Variants in DMD observed in about 807,000 individuals in gnomAD.
DMD encodes mutant dystrophin.
Under a neutral mutation model 330.1 loss-of-function variants are expected in DMD, and 63 were observed. The ratio of observed to expected loss-of-function variants is 0.19; its 90% CI spans 0.16 to 0.24. The LOEUF (loss-of-function observed/expected upper bound fraction) is 0.24. DMD is among the 10% of genes least tolerant of loss of function. The pLI is 1.00. For missense variants in DMD, 3,344 were observed against 2,684.1 expected (o/e 1.25, Z -5.43); for synonymous variants, 1,223 against 959.8 (o/e 1.27, Z -5.07).
At position 32,856,479 on chromosome X, in the gene DMD, CATAAAA is replaced by C. The variant is rs756306513; in HGVS notation, c.94-6665_94-6660del. Reference sequence around the variant, plus strand: ...TATACGTAGTGGAGTACTACTCAGTCATAAAAAAAAATGAGACGCTGTCATTTGCAA... The same window carrying C: ...TATACGTAGTGGAGTACTACTCAGTCAAAAATGAGACGCTGTCATTTGCAA... On this transcript the variant is annotated intron_variant, in intron 2 of 78. Transcript: ENST00000357033. Among the ~76,000 whole-genome samples, 259 of 106,359 alleles carry C rather than the reference CATAAAA, an allele frequency of 2.4e-3. 2 individuals are homozygous for C. The highest frequency in any genetic ancestry group is 8.4e-3 in the African/African-American group (250 of 29,793). 92.4% of individuals were successfully genotyped at this position (106,359 alleles called of 115,157 possible). A position where few individuals can be genotyped will look rare whatever the true frequency, so the allele number is the denominator to read the frequency against.
chrX:31,662,610 A>C (rs987214047), intron 53 of DMD, among the ~76,000 whole-genome samples: 54 of 108,649 alleles, frequency 5.0e-4, no homozygotes, highest in African/African-American at 1.6e-3. Context: ...ATTTTTAATG[A>C]CTGTGTCTCA....
intron 44 of DMD, among the ~76,000 whole-genome samples, chrX:31,990,859 A>G (rs2095545409): frequency 1.8e-5 from 2 of 112,436 alleles, no homozygotes; most frequent in South Asian, 7.3e-4. Context: ...AGATGTAAGC[A>G]TATAAAAAGT....
chrX:32,294,873 T>G (rs1256692007), intron 42 of DMD, among the ~76,000 whole-genome samples: 1 of 111,679 alleles, frequency 9.0e-6, no homozygotes. Context: ...TTTTACTATT[T>G]TAGTTTGTCT....
At chrX:33,011,942 G>A (rs959392359) in intron 2 of DMD, among the ~76,000 whole-genome samples, 2 of 111,341 alleles carry the variant, frequency 1.8e-5, no homozygotes, top group African/African-American at 6.5e-5. Flanking sequence ...TTGGCACTGA[G>A]ACCACTCCAG....
chrX:31,189,740 C>T (rs760644425), intron 67 of DMD, among the ~76,000 whole-genome samples: 10 of 111,926 alleles, frequency 8.9e-5, no homozygotes, highest in South Asian at 7.5e-4. Context: ...GCAATATGAT[C>T]GCAAGAAATA....
chrX:31,543,013 T>A (rs1332508303), intron 55 of DMD, among the ~76,000 whole-genome samples: 1 of 112,112 alleles, frequency 8.9e-6, no homozygotes, highest in Non-Finnish European at 1.9e-5. Flanking sequence ...GAAGGTTGAG[T>A]CAAAGGACAT....
At chrX:32,043,662 G>C (rs1460367971) in intron 44 of DMD, among the ~76,000 whole-genome samples, 1 of 111,478 alleles carries the variant, frequency 9.0e-6, no homozygotes. Context: ...GCCTATGAGA[G>C]ACGATTATTA....
intron 7 of DMD, among the ~76,000 whole-genome samples, chrX:32,700,217 T>C: frequency 9.0e-6 from 1 of 111,529 alleles, no homozygotes; most frequent in Middle Eastern, 4.6e-3. Context: ...TGCTAGCATT[T>C]CATTGTCATC....
At chrX:33,261,068 G>C (rs1165570153) in intron 1 of DMD, among the ~76,000 whole-genome samples, 1 of 111,250 alleles carries the variant, frequency 9.0e-6, no homozygotes, top group East Asian at 2.8e-4. Context: ...CTGGTGTTTG[G>C]TTTTATGTTA....
chrX:32,622,713 C>A (rs1005174735), intron 11 of DMD, among the ~76,000 whole-genome samples: 2 of 111,835 alleles, frequency 1.8e-5, no homozygotes, highest in African/African-American at 3.3e-5. Flanking sequence ...CAACTCATCT[C>A]ACTTCCTTAT....
intron 55 of DMD, among the ~76,000 whole-genome samples, chrX:31,547,901 T>C (rs2074242710): frequency 8.9e-6 from 1 of 111,947 alleles, no homozygotes; most frequent in Non-Finnish European, 1.9e-5. Flanking sequence ...ATTCAATCCC[T>C]CTTCCCATCT....
chrX:32,964,612 G>T, intron 2 of DMD, among the ~76,000 whole-genome samples: 1 of 111,115 alleles, frequency 9.0e-6, no homozygotes, highest in Admixed American at 9.6e-5. Flanking sequence ...GGAGGCTGAG[G>T]CAGGAGAATT....
chrX:32,598,313 A>G (rs1256388121), intron 12 of DMD, among the ~76,000 whole-genome samples: 1 of 111,920 alleles, frequency 8.9e-6, no homozygotes, highest in African/African-American at 3.2e-5. Context: ...TGAGGCCAAA[A>G]ATGGAAACAT....
intron 71 of DMD, among the ~76,000 whole-genome samples, chrX:31,174,866 A>G (rs1209639947): frequency 2.7e-5 from 3 of 111,894 alleles, no homozygotes; most frequent in Non-Finnish European, 5.7e-5. Context: ...CTGAGAGAGA[A>G]AGGTCTTATT....
At chrX:33,060,752 G>A (rs956631287) in intron 1 of DMD, among the ~76,000 whole-genome samples, 6 of 107,702 alleles carry the variant, frequency 5.6e-5, no homozygotes, top group African/African-American at 2.0e-4. Context: ...CAGGAGAATC[G>A]CTTGAACCTG....
chrX:32,067,415 C>T (rs1306632316), intron 44 of DMD, among the ~76,000 whole-genome samples: 4 of 110,225 alleles, frequency 3.6e-5, no homozygotes, highest in African/African-American at 6.6e-5. Flanking sequence ...GGATATATGG[C>T]GTGATGCTGA....
At chrX:33,313,903 T>A (rs2053887414) in intron 1 of DMD, among the ~76,000 whole-genome samples, 2 of 111,096 alleles carry the variant, frequency 1.8e-5, no homozygotes, top group Admixed American at 1.9e-4. Context: ...AATTTCATAA[T>A]CCCAAGTCAA....
At chrX:32,874,254 G>C (rs1181508498) in intron 2 of DMD, among the ~76,000 whole-genome samples, 1 of 112,007 alleles carries the variant, frequency 8.9e-6, no homozygotes, top group Non-Finnish European at 1.9e-5. Flanking sequence ...ATTGCGACAA[G>C]TTCATTTTTA....
chrX:31,366,515 T>G (rs866385347), intron 60 of DMD, among the ~76,000 whole-genome samples: 2 of 33,673 alleles, frequency 5.9e-5, no homozygotes, highest in Admixed American at 3.4e-4. Context: ...AAAAAATAAA[T>G]AAATAAAAAA....
Sources: gnomAD v4.1 joint callset for allele counts (sites outside exome capture counted in the v4.1 genomes callset) on GRCh38, gnomAD v4.1.1 for gene constraint, MANE v1.5 for transcripts, NCBI Gene and HGNC (gene_info 2026-07-23, HGNC 2026-07-21) for gene names.